Variants in NEK5 observed in about 807,000 individuals in gnomAD.
The protein encoded by NEK5 is serine/threonine-protein kinase Nek5.
In NEK5, 88 loss-of-function variants were observed where a neutral mutation model predicts 109.2. That is an observed-to-expected ratio of 0.81 (90% confidence interval 0.68 to 0.96). NEK5 has a LOEUF of 0.96. Ranked by LOEUF, NEK5 falls within the 40% of genes least tolerant of loss-of-function variation. NEK5 has a pLI of 0.00. For synonymous variants in NEK5, 283 were observed against 299.9 expected (o/e 0.94, Z 0.58); for missense variants, 834 against 920.7 (o/e 0.91, Z 1.22).
chr13:52,099,328 C>T (rs569185845), intron 12 of NEK5, among the ~76,000 whole-genome samples: 2 of 151,900 alleles, frequency 1.3e-5, no homozygotes, highest in East Asian at 1.9e-4. Flanking sequence ...GTCAGGAGTT[C>T]GAGACCAGTC....
At position 52,095,857 on chromosome 13, in the gene NEK5, C is replaced by T. The variant is rs143725112; in HGVS notation, c.1027-2622G>A. Among the ~76,000 whole-genome samples the T allele has an allele frequency of 3.3e-3, 495 of 152,176 alleles. 4 individuals carry two copies. Among genetic ancestry groups the T allele is most frequent in the African/African-American group, 0.011 (437 of 41,522 alleles). ...GGATTTGTGTCTCAGCCTGGGAGGT[C>T]GAGTGATATGCTTTGGATTTGTGTC... On this transcript the variant is annotated intron_variant, in intron 12 of 23. Transcript: ENST00000684899.
chr13:52,062,502 C>T (rs1054865293), intron 21 of NEK5, among the ~76,000 whole-genome samples: 7 of 151,792 alleles, frequency 4.6e-5, no homozygotes, highest in African/African-American at 9.7e-5. Flanking sequence ...CTCACTGCAA[C>T]CTCCGCCGCC....
At chr13:52,115,128 T>A (rs1181853126) in intron 4 of NEK5, among the ~76,000 whole-genome samples, 1 of 151,430 alleles carries the variant, frequency 6.6e-6, no homozygotes, top group Non-Finnish European at 1.5e-5. Flanking sequence ...TTCTCCTGCC[T>A]CAGCCTCTCC....
chr13:52,039,079 C>G (rs145185329), intron 23 of NEK5, among the ~76,000 whole-genome samples: 1 of 152,208 alleles, frequency 6.6e-6, no homozygotes, highest in East Asian at 1.9e-4. Flanking sequence ...ACCTGCAGAG[C>G]ATGGGCTTTC....
At chr13:52,089,488 G>A (rs865832397) in intron 13 of NEK5, among the ~76,000 whole-genome samples, 175 bp from the exon 14 acceptor site, 3 of 152,090 alleles carry the variant, frequency 2.0e-5, no homozygotes, top group South Asian at 2.1e-4. Flanking sequence ...GAAAATTTTG[G>A]AATCAAAAGG....
intron 22 of NEK5, among the ~76,000 whole-genome samples, chr13:52,055,502 T>C (rs1566733344): frequency 1.3e-5 from 2 of 152,098 alleles, no homozygotes; most frequent in Non-Finnish European, 2.9e-5. Context: ...AATTGTCAGA[T>C]TCACCAAAGT....
At chr13:52,081,985 T>C (rs564770798) in intron 17 of NEK5, among the ~76,000 whole-genome samples, 2 of 152,338 alleles carry the variant, frequency 1.3e-5, no homozygotes, top group East Asian at 1.9e-4. Context: ...ATAATAAATA[T>C]AATTTAAAAC....
At chr13:52,083,444 G>A in intron 16 of NEK5, 92 bp from the exon 17 acceptor site, 1 of 749,162 alleles carries the variant, frequency 1.3e-6, no homozygotes, top group Non-Finnish European at 2.4e-6. Flanking sequence ...TGAAATGGCT[G>A]GACAGAACCC....
chr13:52,065,323 C>T (rs539605635), intron 21 of NEK5, 161 bp downstream of exon 21: 1 of 991,510 alleles, frequency 1.0e-6, no homozygotes, highest in Admixed American at 1.7e-5. Context: ...AGGCAAGTCT[C>T]TTTAGGCATA....
chr13:52,064,744 G>A, intron 21 of NEK5: 1 of 237,834 alleles, frequency 4.2e-6, no homozygotes, highest in South Asian at 4.5e-5. Context: ...GAAAGAAGTA[G>A]ACATGGGAGA....
intron 22 of NEK5, among the ~76,000 whole-genome samples, chr13:52,057,374 G>A (rs955070356): frequency 7.3e-5 from 11 of 151,350 alleles, no homozygotes; most frequent in African/African-American, 2.7e-4. Context: ...GAGGTACAAG[G>A]AGGAACTGGT....
rs1414841454 is a variant in NEK5, at chr13:52,071,959, G to T, written c.1834C>A (p.His612Asn). The T allele has an allele frequency of 6.2e-7, 1 of 1,613,262 alleles. No individual in the cohort carries two copies. Among genetic ancestry groups the T allele is most frequent in the Admixed American group, 1.7e-5 (1 of 59,910 alleles). The change falls in exon 20 of 24, where the codon CAC becomes AAC. Residue 612 changes from histidine to asparagine, a missense_variant. This residue lies in a region of NEK5 where 777 missense variants were observed against 824.7 expected (regional missense o/e 0.94). Coordinates refer to ENST00000684899, the MANE Select transcript of NEK5 (RefSeq NM_001365552.1). Reference protein sequence around the residue: ...DYTDKAFEKLHCPEAGFSTQT... With the variant: ...DYTDKAFEKLNCPEAGFSTQT... ...AAACACATACCTGCTTCTGGGCAGT[G>T]AAGTTTTTCAAATGCTTTGTCTGTA...
intron 22 of NEK5, among the ~76,000 whole-genome samples, chr13:52,056,852 T>C (rs977107035): frequency 1.3e-5 from 2 of 150,700 alleles, no homozygotes; most frequent in Non-Finnish European, 3.0e-5. Context: ...GCAGGAAAGA[T>C]CCAAAATTGA....
chr13:52,067,314 C>A (rs1231501825), intron 20 of NEK5, among the ~76,000 whole-genome samples: 5 of 151,954 alleles, frequency 3.3e-5, no homozygotes, highest in African/African-American at 4.8e-5. Context: ...AAGAAAGAAT[C>A]AGTTAGGCAG....
intron 14 of NEK5, among the ~76,000 whole-genome samples, chr13:52,088,036 T>G (rs1249322643): frequency 6.6e-6 from 1 of 151,196 alleles, no homozygotes; most frequent in Non-Finnish European, 1.5e-5. Context: ...TAAGCAATCC[T>G]CCGGCCTCAG....
chr13:52,063,717 C>T (rs1168641271), intron 21 of NEK5, among the ~76,000 whole-genome samples: 14 of 151,834 alleles, frequency 9.2e-5, no homozygotes, highest in African/African-American at 1.9e-4. Context: ...CGCCTCTGCC[C>T]GGCCGCGACC....
intron 14 of NEK5, 32 bp downstream of exon 14, chr13:52,089,215 T>C: frequency 7.5e-7 from 1 of 1,328,704 alleles, no homozygotes; most frequent in Non-Finnish European, 1.1e-6. Flanking sequence ...AGGAAATTCC[T>C]AATTGCTTCC....
At chr13:52,052,225 G>A (rs777563452) in intron 22 of NEK5, among the ~76,000 whole-genome samples, 9 of 151,898 alleles carry the variant, frequency 5.9e-5, no homozygotes, top group Admixed American at 2.0e-4. Context: ...GACCACCTTG[G>A]ACACATGTCA....
intron 17 of NEK5, 107 bp from the exon 18 acceptor site, chr13:52,076,250 G>T: frequency 1.6e-6 from 1 of 622,724 alleles, no homozygotes; most frequent in Non-Finnish European, 2.7e-6. Context: ...CTTTTATAAT[G>T]GAAAGTTAAT....
Sources: gnomAD v4.1 joint callset for allele counts (sites outside exome capture counted in the v4.1 genomes callset) on GRCh38, gnomAD v4.1.1 for gene constraint, gnomAD v4.1.1 regional missense constraint, MANE v1.5 for transcripts, NCBI Gene and HGNC (gene_info 2026-07-23, HGNC 2026-07-21) for gene names.